GRM7: variants seen among roughly 807,000 people sequenced by gnomAD.
GRM7 encodes glutamate metabotropic receptor 7, also known as metabotropic glutamate receptor 7.
GRM7 carries 35 observed loss-of-function variants against 84.5 expected under a neutral mutation model. That is an observed-to-expected ratio of 0.41 (90% CI 0.32 to 0.55). The LOEUF is 0.55. GRM7 is among the 20% of genes least tolerant of loss of function. The pLI, the probability that GRM7 is intolerant of heterozygous loss-of-function variation, is 0.19. For synonymous variants in GRM7, 487 were observed against 455.1 expected (o/e 1.07, Z -0.89); for missense variants, 1,003 against 1,194.6 (o/e 0.84, Z 2.36).
chr3:7,547,186 A>T (rs1575478594), intron 7 of GRM7, among the ~76,000 whole-genome samples: 1 of 135,428 alleles, frequency 7.4e-6, no homozygotes, highest in Non-Finnish European at 1.6e-5. Flanking sequence ...GCCCCCAGAG[A>T]GTGAATTCTT....
chr3:7,231,146 C>T (rs951938068), intron 2 of GRM7, among the ~76,000 whole-genome samples: 2 of 152,098 alleles, frequency 1.3e-5, no homozygotes, highest in East Asian at 1.9e-4. Flanking sequence ...TTAGGTGTCA[C>T]CCGTCTTGGA....
chr3:7,677,900 T>C (rs766560310), intron 8 of GRM7, among the ~76,000 whole-genome samples: 1 of 152,178 alleles, frequency 6.6e-6, no homozygotes, highest in Non-Finnish European at 1.5e-5. Flanking sequence ...GGTACATATA[T>C]ACCATGAAAT....
intron 2 of GRM7, among the ~76,000 whole-genome samples, chr3:7,152,043 G>C (rs1246291951): frequency 6.6e-6 from 1 of 152,046 alleles, no homozygotes; most frequent in East Asian, 1.9e-4. Flanking sequence ...AAACATTTGA[G>C]AACTCAATTT....
intron 2 of GRM7, among the ~76,000 whole-genome samples, chr3:7,202,181 A>G (rs1034206355): frequency 2.0e-5 from 3 of 152,170 alleles, no homozygotes; most frequent in African/African-American, 7.2e-5. Flanking sequence ...TTTCCATGAT[A>G]TATGTAGAAG....
intron 2 of GRM7, among the ~76,000 whole-genome samples, chr3:7,257,606 A>G (rs1474222628): frequency 1.3e-5 from 2 of 152,204 alleles, no homozygotes; most frequent in African/African-American, 2.4e-5. Flanking sequence ...ACAGGATGCA[A>G]TTTATTCATA....
At chr3:7,624,030 A>G (rs1697490490) in intron 8 of GRM7, among the ~76,000 whole-genome samples, 1 of 152,174 alleles carries the variant, frequency 6.6e-6, no homozygotes, top group African/African-American at 2.4e-5. Flanking sequence ...CTAGTTTATC[A>G]GACTGAGCTT....
At chr3:7,402,821 A>G (rs1359676084) in intron 4 of GRM7, among the ~76,000 whole-genome samples, 4 of 141,588 alleles carry the variant, frequency 2.8e-5, no homozygotes, top group South Asian at 2.2e-4. Context: ...TTTTTTTTTT[A>G]AGATTCTTTT....
At chr3:7,633,714 C>T (rs187021283) in intron 8 of GRM7, among the ~76,000 whole-genome samples, 4 of 152,106 alleles carry the variant, frequency 2.6e-5, no homozygotes, top group Admixed American at 2.6e-4. Flanking sequence ...CAAAAATTTC[C>T]AAAGTGATCA....
chr3:6,969,393 T>C (rs12107980), intron 1 of GRM7, among the ~76,000 whole-genome samples: 9,720 of 152,238 alleles, frequency 0.064, 622 homozygotes, highest in African/African-American at 0.16. Flanking sequence ...ATGAAGACAC[T>C]AACTACTCAG....
At chr3:7,328,480 A>C (rs750308947) in intron 4 of GRM7, among the ~76,000 whole-genome samples, 19 of 152,192 alleles carry the variant, frequency 1.2e-4, no homozygotes, top group Admixed American at 4.6e-4. Flanking sequence ...GCAATAGCAC[A>C]GCCCTTTGAA....
intron 2 of GRM7, among the ~76,000 whole-genome samples, chr3:7,283,329 A>G (rs1370786162): frequency 6.6e-6 from 1 of 152,110 alleles, no homozygotes. Context: ...TAAGTTAGAT[A>G]ATGCGTATAA....
intron 7 of GRM7, chr3:7,561,600 A>T: frequency 2.2e-6 from 1 of 456,304 alleles, no homozygotes; most frequent in Non-Finnish European, 4.4e-6. Flanking sequence ...TTGAGGAAAA[A>T]GCTACTTTTC....
chr3:7,088,693 C>CTTTTTTTTTTTTCTTTTTTTTTTTTTTTT (rs1219505381), intron 1 of GRM7, among the ~76,000 whole-genome samples: 1 of 124,002 alleles, frequency 8.1e-6, no homozygotes, highest in Admixed American at 7.9e-5. Context: ...TCACTGATTT[C>CTTTTTTTTTTTTCTTTTTTTTTTTTTTTT]TTATTCATCG....
intron 5 of GRM7, among the ~76,000 whole-genome samples, chr3:7,445,253 G>T (rs1322326113): frequency 6.6e-6 from 1 of 152,152 alleles, no homozygotes. Context: ...AAAATGAAAA[G>T]AATTAAAGGA....
chr3:7,493,283 G>T (rs1414016259), intron 7 of GRM7, among the ~76,000 whole-genome samples: 2 of 151,994 alleles, frequency 1.3e-5, no homozygotes, highest in African/African-American at 4.8e-5. Context: ...AGCTGTAATT[G>T]TGGATTTGTC....
intron 7 of GRM7, among the ~76,000 whole-genome samples, chr3:7,531,602 GCTCT>G (rs1405268495): frequency 1.3e-5 from 2 of 151,820 alleles, no homozygotes; most frequent in East Asian, 1.9e-4. Flanking sequence ...TCATGATTTG[GCTCT>G]CTATTTTAGG....
At chr3:7,171,481 A>G (rs1382043009) in intron 2 of GRM7, among the ~76,000 whole-genome samples, 1 of 152,212 alleles carries the variant, frequency 6.6e-6, no homozygotes, top group Non-Finnish European at 1.5e-5. Flanking sequence ...TTCAACTCAC[A>G]GCTATAGATT....
rs185348577 is a variant in GRM7, at chr3:7,619,808, G to T, written c.2451+40451G>T. Among the ~76,000 whole-genome samples the T allele has an allele frequency of 2.9e-4, 44 of 152,276 alleles. 1 individual carries two copies. The highest frequency in any genetic ancestry group is 2.8e-3 in the Admixed American group (43 of 15,274). On this transcript the variant is annotated intron_variant, in intron 8 of 9. Coordinates refer to ENST00000357716, the MANE Select transcript of GRM7 (RefSeq NM_000844.4). ...ATTGAAGCTTTGTGTTTTGTCAACA[G>T]TCCCACAACCTTTTGTGCCTTCTAT...
intron 2 of GRM7, among the ~76,000 whole-genome samples, chr3:7,259,596 A>G (rs922573824): frequency 6.6e-6 from 1 of 152,216 alleles, no homozygotes; most frequent in Non-Finnish European, 1.5e-5. Flanking sequence ...AGCTCCATCC[A>G]TGTTCCTGCA....
Sources: gnomAD v4.1 joint callset for allele counts (sites outside exome capture counted in the v4.1 genomes callset) on GRCh38, gnomAD v4.1.1 for gene constraint, MANE v1.5 for transcripts, NCBI Gene and HGNC (gene_info 2026-07-23, HGNC 2026-07-21) for gene names.